The following CCSER1 variants were observed in gnomAD, a reference collection of about 807,000 sequenced individuals.
The protein encoded by CCSER1 is coiled-coil serine rich protein 1, also known as serine-rich coiled-coil domain-containing protein 1.
Under a neutral mutation model 82.0 loss-of-function variants are expected in CCSER1, and 41 were observed. The observed-to-expected ratio is 0.50, with a 90% confidence interval of 0.39 to 0.65. The LOEUF is 0.65. CCSER1 is among the 30% of genes least tolerant of loss of function. The pLI, the probability that CCSER1 is intolerant of heterozygous loss-of-function variation, is 0.00. For synonymous variants in CCSER1, 414 were observed against 383.9 expected, an observed-to-expected ratio of 1.08 and a Z score of -0.92; for missense variants, 1,119 against 1,064.2, an observed-to-expected ratio of 1.05 and a Z score of -0.72.
chr4:91,570,615 C>A (rs1763128563), intron 10 of CCSER1, among the ~76,000 whole-genome samples: 2 of 152,178 alleles, frequency 1.3e-5, no homozygotes, highest in African/African-American at 2.4e-5. Flanking sequence ...CCCCCTTTAG[C>A]CAAGGCTGAA....
intron 7 of CCSER1, among the ~76,000 whole-genome samples, chr4:90,788,672 A>C (rs946210811): frequency 6.6e-6 from 1 of 152,188 alleles, no homozygotes; most frequent in Non-Finnish European, 1.5e-5. Context: ...CCTTATTTCC[A>C]AATAATATAT....
intron 7 of CCSER1, among the ~76,000 whole-genome samples, chr4:90,786,110 A>G (rs187708923): frequency 6.6e-6 from 1 of 152,300 alleles, no homozygotes; most frequent in African/African-American, 2.4e-5. Context: ...ATACTTTCTC[A>G]AGGGCTTTCA....
At chr4:90,602,719 C>CT in intron 5 of CCSER1, among the ~76,000 whole-genome samples, 1 of 149,116 alleles carries the variant, frequency 6.7e-6, no homozygotes, top group Non-Finnish European at 1.5e-5. Context: ...TCTACCCCTG[C>CT]TTACCCTCCG....
chr4:90,348,932 T>C (rs1306321597), intron 3 of CCSER1, among the ~76,000 whole-genome samples: 1 of 152,176 alleles, frequency 6.6e-6, no homozygotes, highest in African/African-American at 2.4e-5. Flanking sequence ...TCTGAGTTTA[T>C]AGAAGGTAGA....
At chr4:90,378,206 G>A (rs1748661814) in intron 3 of CCSER1, among the ~76,000 whole-genome samples, 1 of 152,110 alleles carries the variant, frequency 6.6e-6, no homozygotes, top group Non-Finnish European at 1.5e-5. Context: ...GCTTGTAAAT[G>A]AAACAGCTAT....
intron 6 of CCSER1, among the ~76,000 whole-genome samples, chr4:90,633,438 T>C (rs777507771): frequency 6.6e-6 from 1 of 151,998 alleles, no homozygotes; most frequent in African/African-American, 2.4e-5. Context: ...GTAGATATAA[T>C]TTCCTGAAGC....
At chr4:90,391,336 G>C (rs183459079) in intron 3 of CCSER1, among the ~76,000 whole-genome samples, 186 of 140,924 alleles carry the variant, frequency 1.3e-3, no homozygotes, top group African/African-American at 4.4e-3. Flanking sequence ...ACAAAGAAAT[G>C]ATAAATGTTT....
intron 10 of CCSER1, among the ~76,000 whole-genome samples, chr4:91,214,359 C>T (rs1048429715): frequency 3.3e-5 from 5 of 152,088 alleles, no homozygotes; most frequent in African/African-American, 7.2e-5. Context: ...AAACCCTAGA[C>T]GAACACCCTA....
chr4:90,268,071 A>G (rs892171992), intron 1 of CCSER1, among the ~76,000 whole-genome samples: 1 of 152,214 alleles, frequency 6.6e-6, no homozygotes, highest in Non-Finnish European at 1.5e-5. Context: ...TCAAGCAAAA[A>G]GGAGAAATAA....
At chr4:90,484,193 G>C (rs540004650) in intron 5 of CCSER1, among the ~76,000 whole-genome samples, 1 of 148,788 alleles carries the variant, frequency 6.7e-6, no homozygotes, top group African/African-American at 2.6e-5. Flanking sequence ...CATTCATCAC[G>C]TAGTTCTCGT....
At chr4:91,538,643 CA>C (rs1254206466) in intron 10 of CCSER1, among the ~76,000 whole-genome samples, 2 of 114,426 alleles carry the variant, frequency 1.7e-5, no homozygotes, top group African/African-American at 3.2e-5. Context: ...AATCCCTATA[CA>C]AACATAAATT....
At chr4:90,711,081 T>G (rs1033497064) in intron 6 of CCSER1, among the ~76,000 whole-genome samples, 1 of 152,122 alleles carries the variant, frequency 6.6e-6, no homozygotes. Flanking sequence ...AATTTTATTC[T>G]TTTTGTAGCA....
intron 5 of CCSER1, among the ~76,000 whole-genome samples, chr4:90,608,649 A>G (rs942365769): frequency 6.6e-6 from 1 of 152,172 alleles, no homozygotes; most frequent in Admixed American, 6.6e-5. Flanking sequence ...CTATTAATAA[A>G]AATGATTCAT....
At chr4:90,607,401 C>T (rs1050234624) in intron 5 of CCSER1, among the ~76,000 whole-genome samples, 7 of 151,998 alleles carry the variant, frequency 4.6e-5, no homozygotes, top group Non-Finnish European at 8.8e-5. Flanking sequence ...TGGCTTAAAC[C>T]AATAGAAATT....
rs538303311 is a variant in CCSER1, at chr4:91,578,733, ATTTC to A, written c.2218-19836_2218-19833del. Among the ~76,000 whole-genome samples the A allele has an allele frequency of 2.6e-5, 4 of 151,998 alleles. No individual in the cohort carries two copies. In the South Asian group the frequency reaches 6.2e-4, roughly 24 times the overall value. On this transcript the variant is annotated intron_variant, in intron 10 of 10. Transcript: ENST00000509176. ...TCTCCCAGTTTTGGAAATATTTTTT[ATTTC>A]TTCATATTTTCTGAGGAATATCTTT... is the stretch of plus-strand genomic sequence containing the variant.
chr4:90,569,135 A>T (rs1779796487), intron 5 of CCSER1, among the ~76,000 whole-genome samples: 1 of 151,594 alleles, frequency 6.6e-6, no homozygotes, highest in Non-Finnish European at 1.5e-5. Flanking sequence ...CTACTATAGG[A>T]TTTTGCTTTG....
At chr4:91,461,885 C>T (rs1756520979) in intron 10 of CCSER1, among the ~76,000 whole-genome samples, 1 of 152,126 alleles carries the variant, frequency 6.6e-6, no homozygotes, top group Non-Finnish European at 1.5e-5. Flanking sequence ...TGACTAAGGA[C>T]CATAGCCCAT....
At chr4:90,149,909 A>C in intron 1 of CCSER1, among the ~76,000 whole-genome samples, 1 of 152,158 alleles carries the variant, frequency 6.6e-6, no homozygotes, top group East Asian at 1.9e-4. Flanking sequence ...AATAATAAGA[A>C]ACTTTTATTG....
rs1720677837 is a variant in CCSER1 at position 91,065,169 on chromosome 4, G to A, written c.2173-20781G>A. On this transcript the variant is annotated intron_variant, in intron 9 of 10. Coordinates refer to ENST00000509176, the MANE Select transcript of CCSER1 (RefSeq NM_001145065.2). ...AAAGGATTAAGGAAGTATAAGGAAAGAGAATGTGAGTTCTTTTTAGGAAGA... is the reference window on the plus strand; with the variant it reads ...AAAGGATTAAGGAAGTATAAGGAAAAAGAATGTGAGTTCTTTTTAGGAAGA... Among the ~76,000 whole-genome samples, 4 of 152,092 alleles carry A rather than the reference G, an allele frequency of 2.6e-5. No homozygotes were observed. The South Asian group carries it at 8.3e-4, about 32-fold the overall frequency.
Sources: allele counts gnomAD v4.1 joint callset (sites outside exome capture counted in the v4.1 genomes callset), GRCh38; gene constraint gnomAD v4.1.1; transcripts MANE v1.5; gene names NCBI Gene and HGNC (gene_info 2026-07-23, HGNC 2026-07-21).